Variants in KCNQ1OT1 observed in about 807,000 individuals in gnomAD.
KCNQ1OT1 encodes the protein KCNQ1 antisense RNA 2 (non-protein coding).
exon 1 of KCNQ1OT1, chr11:2,643,644 A>C: frequency 2.5e-6 from 1 of 398,512 alleles, no homozygotes; most frequent in Non-Finnish European, 4.4e-6. Context: ...ATCTATTTAT[A>C]TGCAAGGTTA....
chr11:2,673,325 A>G lies in KCNQ1OT1; in HGVS notation n.26670T>C, dbSNP rs1850220778. 1 of 398,780 alleles carries G rather than the reference A, an allele frequency of 2.5e-6. No homozygotes were observed. The highest frequency in any genetic ancestry group is 4.4e-5 in the Admixed American group (1 of 22,746). 24.7% of individuals were successfully genotyped at this position (398,780 alleles called of 1,614,324 possible). On this transcript the variant is annotated non_coding_transcript_exon_variant, in exon 1 of 1. Coordinates refer to ENST00000597346, the Ensembl canonical transcript of KCNQ1OT1. This position sits in a 1 kb window ranked among gnomAD's most constrained non-coding sequence, Gnocchi z 4.5. ...AAACAATCCCACAGGCTACCAGGCCAGCTTTTGGAAACAGTCTCATTAGCA... is the reference window on the plus strand; with the variant it reads ...AAACAATCCCACAGGCTACCAGGCCGGCTTTTGGAAACAGTCTCATTAGCA...
rs1258836278 is a variant in KCNQ1OT1, at chr11:2,653,775, C to G, written n.46220G>C. 2 of 398,540 alleles carry G rather than the reference C, an allele frequency of 5.0e-6. No individual in the cohort carries two copies. Among genetic ancestry groups the G allele is most frequent in the African/African-American group, 2.1e-5 (1 of 48,630 alleles). The allele number at this position is 398,540 out of a possible 1,614,324, so 24.7% of individuals were successfully genotyped here. On this transcript the variant is annotated non_coding_transcript_exon_variant, in exon 1 of 1. Coordinates refer to ENST00000597346, the Ensembl canonical transcript of KCNQ1OT1. The surrounding 1 kb of genome is among the most constrained non-coding windows in gnomAD (Gnocchi z 5.3). The stretch of plus-strand genomic sequence containing the variant: ...TGGCCTCAGCTGGGGTACAAGCCAT[C>G]CTTGGACCTGCAGCTGTACCTCCGA...
Position 2,620,218 on chromosome 11 carries a change from T to TTA in KCNQ1OT1, n.79776_79777insTA, listed in dbSNP as rs1564835896. ...ATTCATGTATATATATATATTTTTTTTTTTTATTTTTTTTTTAGACGGAGT... is the reference window on the plus strand; with the variant it reads ...ATTCATGTATATATATATATTTTTTTTATTTTTATTTTTTTTTTAGACGGAGT... On this transcript the variant is annotated non_coding_transcript_exon_variant, in exon 1 of 1. Coordinates refer to ENST00000597346, the Ensembl canonical transcript of KCNQ1OT1. The surrounding 1 kb of genome is among the most constrained non-coding windows in gnomAD (Gnocchi z 4.5). The TTA allele has an allele frequency of 1.9e-4, 54 of 282,760 alleles. 1 individual carries two copies. The Middle Eastern group carries it at 5.4e-3, about 28-fold the overall frequency. The allele number at this position is 282,760 out of a possible 1,614,324, so 17.5% of individuals were successfully genotyped here.
Position 2,695,328 on chromosome 11 carries a change from TTG to T in KCNQ1OT1, n.4665_4666del, listed in dbSNP as rs61588088. On this transcript the variant is annotated non_coding_transcript_exon_variant, in exon 1 of 1. Transcript: ENST00000597346. This position sits in a 1 kb window ranked among gnomAD's most constrained non-coding sequence, Gnocchi z 5.2. ...TCTCCAGGGTAATTTATTTATATCA[TTG>T]TGTGTGTGTGTGTGCACTCACGAGC... 15 of 367,258 alleles carry T rather than the reference TTG, an allele frequency of 4.1e-5. No homozygotes were observed. The highest frequency in any genetic ancestry group is 5.4e-5 in the Non-Finnish European group (11 of 205,234). The allele number at this position is 367,258 out of a possible 1,614,324, so 22.7% of individuals were successfully genotyped here. A position where few individuals can be genotyped will look rare whatever the true frequency, so the allele number is the denominator to read the frequency against.
rs1440926821 is a variant in KCNQ1OT1, at chr11:2,626,621, CA to C, written n.73373del. ...ACTGCTTACTGCCACCTCAATCTCCCAGGCTCAAGCAATCCTCCCACCTCGG... is the reference window on the plus strand; with the variant it reads ...ACTGCTTACTGCCACCTCAATCTCCCGGCTCAAGCAATCCTCCCACCTCGG... On this transcript the variant is annotated non_coding_transcript_exon_variant, in exon 1 of 1. Transcript: ENST00000597346. This position sits in a 1 kb window ranked among gnomAD's most constrained non-coding sequence, Gnocchi z 4.0. The C allele has an allele frequency of 1.0e-5, 4 of 398,476 alleles. No homozygotes were observed. The allele number at this position is 398,476 out of a possible 1,614,324, so 24.7% of individuals were successfully genotyped here. A position where few individuals can be genotyped will look rare whatever the true frequency, so the allele number is the denominator to read the frequency against.
chr11:2,689,308 T>A, exon 1 of KCNQ1OT1: 1 of 398,672 alleles, frequency 2.5e-6, no homozygotes, highest in Non-Finnish European at 4.4e-6. Flanking sequence ...TAAGACTCAA[T>A]GCCACCTCAG....
rs145885326 is a variant in KCNQ1OT1, at chr11:2,614,275, A to G, written n.85720T>C. On this transcript the variant is annotated non_coding_transcript_exon_variant, in exon 1 of 1. Coordinates refer to ENST00000597346, the Ensembl canonical transcript of KCNQ1OT1. ...TACCTATTTCTGACATGTGTTCTCCATGTTGACATTTAATATAGAGTCTTC... is the reference window on the plus strand; with the variant it reads ...TACCTATTTCTGACATGTGTTCTCCGTGTTGACATTTAATATAGAGTCTTC... The G allele has an allele frequency of 2.7e-4, 107 of 398,616 alleles. No individual in the cohort carries two copies. In the East Asian group the frequency reaches 3.1e-3, roughly 11 times the overall value. 24.7% of individuals were successfully genotyped at this position (398,616 alleles called of 1,614,324 possible). A position where few individuals can be genotyped will look rare whatever the true frequency, so the allele number is the denominator to read the frequency against.
rs538125328 is a variant in KCNQ1OT1, at chr11:2,620,953, T to G, written n.79042A>C. ...TGTTGTTGTTGTTTTGTTTTGTTTTTTTTTGTCTGTTTTTTGCTTTTTTGT... is the reference window on the plus strand; with the variant it reads ...TGTTGTTGTTGTTTTGTTTTGTTTTGTTTTGTCTGTTTTTTGCTTTTTTGT... On this transcript the variant is annotated non_coding_transcript_exon_variant, in exon 1 of 1. Coordinates refer to ENST00000597346, the Ensembl canonical transcript of KCNQ1OT1. This position sits in a 1 kb window ranked among gnomAD's most constrained non-coding sequence, Gnocchi z 4.5. The G allele has an allele frequency of 8.0e-4, 320 of 397,578 alleles. 1 individual carries two copies. The highest frequency in any genetic ancestry group is 3.3e-4 in the Non-Finnish European group (74 of 225,888). The allele number at this position is 397,578 out of a possible 1,614,324, so 24.6% of individuals were successfully genotyped here.
Position 2,611,011 on chromosome 11 carries a change from G to GTCTATTATTGTTCAA in KCNQ1OT1, n.88983_88984insTTGAACAATAATAGA. The GTCTATTATTGTTCAA allele has an allele frequency of 1.3e-5, 5 of 398,018 alleles. No individual in the cohort carries two copies. The highest frequency in any genetic ancestry group is 6.3e-4 in the Middle Eastern group (1 of 1,588). 24.7% of individuals were successfully genotyped at this position (398,018 alleles called of 1,614,324 possible). On this transcript the variant is annotated non_coding_transcript_exon_variant, in exon 1 of 1. Coordinates refer to ENST00000597346, the Ensembl canonical transcript of KCNQ1OT1. This position sits in a 1 kb window ranked among gnomAD's most constrained non-coding sequence, Gnocchi z 5.3. Reference sequence around the variant, plus strand: ...TTGTTGAGTTGTCTATTATTGTTCAGTTGTCTGTTTCTCTCTTCATTTCTG... The same window carrying GTCTATTATTGTTCAA: ...TTGTTGAGTTGTCTATTATTGTTCAGTCTATTATTGTTCAATTGTCTGTTTCTCTCTTCATTTCTG...
chr11:2,676,429 C>T lies in KCNQ1OT1; in HGVS notation n.23566G>A, dbSNP rs1425114984. 2.5e-6 allele frequency: 1 copy of T among 398,622 alleles called. No individual in the cohort carries two copies. The highest frequency in any genetic ancestry group is 4.4e-6 in the Non-Finnish European group (1 of 226,066). 24.7% of individuals were successfully genotyped at this position (398,622 alleles called of 1,614,324 possible). A position where few individuals can be genotyped will look rare whatever the true frequency, so the allele number is the denominator to read the frequency against. ...TTTAGCCCAATGGGCTGGGCTTTTC[C>T]CAGATAGGACATGCTCACTGTTCTG... On this transcript the variant is annotated non_coding_transcript_exon_variant, in exon 1 of 1. Transcript: ENST00000597346. This position sits in a 1 kb window ranked among gnomAD's most constrained non-coding sequence, Gnocchi z 4.2.
rs1383430684 is a variant in KCNQ1OT1, at chr11:2,698,950, G to A, written n.1045C>T. 2.5e-6 allele frequency: 1 copy of A among 398,428 alleles called. No individual in the cohort carries two copies. The highest frequency in any genetic ancestry group is 4.4e-6 in the Non-Finnish European group (1 of 226,078). 24.7% of individuals were successfully genotyped at this position (398,428 alleles called of 1,614,324 possible). ...AGACCCGAATTCTGATCCCAACTAGGATACCTAACTCAGAACCACAACGGG... is the reference window on the plus strand; with the variant it reads ...AGACCCGAATTCTGATCCCAACTAGAATACCTAACTCAGAACCACAACGGG... On this transcript the variant is annotated non_coding_transcript_exon_variant, in exon 1 of 1. Transcript: ENST00000597346. This position sits in a 1 kb window ranked among gnomAD's most constrained non-coding sequence, Gnocchi z 5.1.
chr11:2,646,874 G>C (rs941233262), exon 1 of KCNQ1OT1: 1 of 398,472 alleles, frequency 2.5e-6, no homozygotes, highest in African/African-American at 2.1e-5. Context: ...TCCTTTACCA[G>C]TTCTAAAAGA....
exon 1 of KCNQ1OT1, chr11:2,634,136 T>TTTC (rs1849411226): frequency 1.4e-5 from 3 of 209,366 alleles, no homozygotes; most frequent in Non-Finnish European, 2.2e-5. Context: ...GTCTTTGGTA[T>TTTC]TTTTTTTTTT....
At chr11:2,692,816 G>A (rs1257016407) in exon 1 of KCNQ1OT1, 1 of 398,538 alleles carries the variant, frequency 2.5e-6, no homozygotes, top group Non-Finnish European at 4.4e-6. Flanking sequence ...TCCCTAACAT[G>A]AGGCAATGAT....
At position 2,645,754 on chromosome 11, in the gene KCNQ1OT1, A is replaced by T; in HGVS notation, n.54241T>A. 1 of 398,786 alleles carries T rather than the reference A, an allele frequency of 2.5e-6. No homozygotes were observed. Among genetic ancestry groups the T allele is most frequent in the Non-Finnish European group, 4.4e-6 (1 of 226,234 alleles). 24.7% of individuals were successfully genotyped at this position (398,786 alleles called of 1,614,324 possible). On this transcript the variant is annotated non_coding_transcript_exon_variant, in exon 1 of 1. Transcript: ENST00000597346. This position sits in a 1 kb window ranked among gnomAD's most constrained non-coding sequence, Gnocchi z 5.8. ...GGATGTCCATGGGGCTCCAGGGATG[A>T]GATAGAGGGATGTGGGGCCCACAGC...
exon 1 of KCNQ1OT1, chr11:2,640,621 A>T: frequency 2.5e-6 from 1 of 396,968 alleles, no homozygotes; most frequent in Non-Finnish European, 4.4e-6. Context: ...CTATTGTTAC[A>T]TGCATCGAAT....
At chr11:2,631,195 C>T in exon 1 of KCNQ1OT1, 1 of 398,508 alleles carries the variant, frequency 2.5e-6, no homozygotes, top group Non-Finnish European at 4.4e-6. Flanking sequence ...TACCTCTCTA[C>T]TTTCCTTCTA....
At chr11:2,648,154 A>G (rs576677943) in exon 1 of KCNQ1OT1, 20 of 394,478 alleles carry the variant, frequency 5.1e-5, no homozygotes, top group East Asian at 3.6e-4. Flanking sequence ...ACAGTGAGCC[A>G]AGATCACACC....
rs1850304619 is a variant in KCNQ1OT1 at position 2,676,933 on chromosome 11, C to A, written n.23062G>T. ...CTTAAAAGGAAGACACTGGTATGTT[C>A]TGGAGATGGATCTGTATTAAGACAT... On this transcript the variant is annotated non_coding_transcript_exon_variant, in exon 1 of 1. Transcript: ENST00000597346. The surrounding 1 kb of genome is among the most constrained non-coding windows in gnomAD (Gnocchi z 4.2). 2.5e-6 allele frequency: 1 copy of A among 398,612 alleles called. No homozygotes were observed. Among genetic ancestry groups the A allele is most frequent in the Non-Finnish European group, 4.4e-6 (1 of 226,066 alleles). 24.7% of individuals were successfully genotyped at this position (398,612 alleles called of 1,614,324 possible).
Sources: gnomAD v4.1 joint callset for allele counts on GRCh38, gnomAD v4.1.1 for gene constraint, Gnocchi (gnomAD v3.1) non-coding constraint, MANE v1.5 for transcripts, NCBI Gene and HGNC (gene_info 2026-07-23, HGNC 2026-07-21) for gene names.